ANO8: variants seen among roughly 807,000 people sequenced by gnomAD.
ANO8 encodes anoctamin 8.
A neutral mutation model predicts 120.4 loss-of-function variants in ANO8; 67 were observed. The observed-to-expected ratio is 0.56, with a 90% CI of 0.46 to 0.68. The LOEUF (loss-of-function observed/expected upper bound fraction) is 0.68. Ranked by LOEUF, ANO8 falls within the 30% of genes least tolerant of loss-of-function variation. ANO8 has a pLI of 0.00. For synonymous variants in ANO8, 727 were observed against 759.2 expected (o/e 0.96, Z 0.70); for missense variants, 1,526 against 1,737.6 (o/e 0.88, Z 2.16).
intron 16 of ANO8, among the ~76,000 whole-genome samples, chr19:17,325,801 G>A (rs1599543706): frequency 6.6e-6 from 1 of 152,224 alleles, no homozygotes; most frequent in Non-Finnish European, 1.5e-5. Context: ...GGTGGCACAC[G>A]CCTGTAATTC....
chr19:17,330,835 T>C lies in ANO8; in HGVS notation c.986A>G (p.Gln329Arg), dbSNP rs769509115. 1 of 1,613,746 alleles carries C rather than the reference T, an allele frequency of 6.2e-7. No individual in the cohort carries two copies. Among genetic ancestry groups the C allele is most frequent in the African/African-American group, 1.3e-5 (1 of 74,916 alleles). Reference protein sequence around the residue: ...PGEAVEEPRPQFRGVRRISPI... With the variant: ...PGEAVEEPRPRFRGVRRISPI... ...ACTCAGCCCCCAACTGACCCTGAACTGGGGGCGTGGCTCCTCCACGGCTTC... is the reference window on the plus strand; with the variant it reads ...ACTCAGCCCCCAACTGACCCTGAACCGGGGGCGTGGCTCCTCCACGGCTTC... The change falls in exon 8 of 18, where the codon CAG (glutamine) becomes CGG (arginine). Residue 329 changes from glutamine to arginine, a missense_variant. This residue lies in a region of ANO8 where 322 missense variants were observed against 431.8 expected (regional missense o/e 0.75). Coordinates refer to ENST00000159087, the MANE Select transcript of ANO8 (RefSeq NM_020959.3).
chr19:17,330,516 C>A lies in ANO8; in HGVS notation c.994-12G>T. The A allele has an allele frequency of 6.7e-7, 1 of 1,500,136 alleles. No individual in the cohort carries two copies. The highest frequency in any genetic ancestry group is 8.9e-7 in the Non-Finnish European group (1 of 1,119,714). 92.9% of individuals were successfully genotyped at this position (1,500,136 alleles called of 1,614,324 possible). Reference sequence around the variant, plus strand: ...ATACGTCGCACGCCCTGATGGTGGGCAAAGACCGGGCCCAGCATGAGCTCA... The same window carrying A: ...ATACGTCGCACGCCCTGATGGTGGGAAAAGACCGGGCCCAGCATGAGCTCA... On this transcript the variant is annotated splice_polypyrimidine_tract_variant and intron_variant, in intron 8 of 17. Transcript: ENST00000159087.
At position 17,333,727 on chromosome 19, in the gene ANO8, C is replaced by A; in HGVS notation, c.180G>T (p.Val60=). Reference sequence around the variant, plus strand: ...TCAGCACGTCGCAGTTCTCTGTAGGCACCGTCTTCATCCACGCCTTGTGGG... The same window carrying A: ...TCAGCACGTCGCAGTTCTCTGTAGGAACCGTCTTCATCCACGCCTTGTGGG... The part of the protein sequence containing the change: ...LVSHKAWMKT[V]PTENCDVLMT... The change falls in exon 2 of 18, where the codon GTG becomes GTT. Residue 60 remains valine (V), a synonymous_variant. Transcript: ENST00000159087. The surrounding 1 kb of genome is among the most constrained non-coding windows in gnomAD (Gnocchi z 7.2). The A allele has an allele frequency of 6.2e-7, 1 of 1,608,816 alleles. No homozygotes were observed. Among genetic ancestry groups the A allele is most frequent in the Non-Finnish European group, 8.5e-7 (1 of 1,178,602 alleles).
chr19:17,327,957 G>GATT, intron 13 of ANO8, 77 bp from the exon 14 acceptor site: 1 of 1,553,630 alleles, frequency 6.4e-7, no homozygotes, highest in Non-Finnish European at 8.7e-7. Context: ...GCCTCCCTCA[G>GATT]ATTATCCCAT....
chr19:17,329,742 G>T lies in ANO8; in HGVS notation c.1404+15C>A, dbSNP rs765802013. 11 of 1,607,070 alleles carry T rather than the reference G, an allele frequency of 6.8e-6. No homozygotes were observed. Among genetic ancestry groups the T allele is most frequent in the Non-Finnish European group, 9.3e-6 (11 of 1,177,132 alleles). ...ATGGGGGCAGGGGGGACTGCCGCTG[G>T]GGCGGGGGTCTCACCTCTTTCAAGC... On this transcript the variant is annotated intron_variant, in intron 12 of 17. Coordinates refer to ENST00000159087, the MANE Select transcript of ANO8 (RefSeq NM_020959.3).
Position 17,333,276 on chromosome 19 carries a change from GC to G in ANO8, c.351-38del. ...GCGGAGGAGGTGGGCTCACAGGGAGGCCCCGGCCCACCATCCTGGAGCTGAG... is the reference window on the plus strand; with the variant it reads ...GCGGAGGAGGTGGGCTCACAGGGAGGCCCGGCCCACCATCCTGGAGCTGAG... On this transcript the variant is annotated intron_variant, in intron 3 of 17. Transcript: ENST00000159087. This position sits in a 1 kb window ranked among gnomAD's most constrained non-coding sequence, Gnocchi z 7.2. 6.2e-7 allele frequency: 1 copy of G among 1,602,614 alleles called. No homozygotes were observed.
rs764178395 is a variant in ANO8, at chr19:17,328,157, C to T, written c.2226+5G>A. On this transcript the variant is annotated splice_donor_5th_base_variant and intron_variant, in intron 13 of 17. Transcript: ENST00000159087. ...GCCCCCTGCGAGGCCCCGCCCCCTC[C>T]TCACCTCGTACTTCTTCATACAGCT... 1.1e-5 allele frequency: 17 copies of T among 1,560,960 alleles called. No individual in the cohort carries two copies. The African/African-American group carries it at 2.2e-4, about 20-fold the overall frequency.
chr19:17,333,886 G>T lies in ANO8; in HGVS notation c.107-86C>A. On this transcript the variant is annotated intron_variant, in intron 1 of 17. Transcript: ENST00000159087. The surrounding 1 kb of genome is among the most constrained non-coding windows in gnomAD (Gnocchi z 7.2). ...TCTTGGCTCCTCCTGCCCCCGCCAGGGCTCCTCACCACTCCACCTGGCATT... is the reference window on the plus strand; with the variant it reads ...TCTTGGCTCCTCCTGCCCCCGCCAGTGCTCCTCACCACTCCACCTGGCATT... The T allele has an allele frequency of 8.6e-7, 1 of 1,158,242 alleles. No individual in the cohort carries two copies. Among genetic ancestry groups the T allele is most frequent in the Non-Finnish European group, 1.3e-6 (1 of 795,764 alleles). The allele number at this position is 1,158,242 out of a possible 1,614,324, so 71.7% of individuals were successfully genotyped here.
chr19:17,334,498 C>T (rs2074346649), intron 1 of ANO8, 67 bp downstream of exon 1: 2 of 1,323,852 alleles, frequency 1.5e-6, no homozygotes, highest in Non-Finnish European at 2.1e-6. Context: ...GATCCTCCTC[C>T]CCGTGTAGTT....
Position 17,325,302 on chromosome 19 carries a change from G to C in ANO8, c.2746C>G (p.His916Asp), listed in dbSNP as rs141064694. The C allele has an allele frequency of 6.2e-7, 1 of 1,606,038 alleles. No individual in the cohort carries two copies. Among genetic ancestry groups the C allele is most frequent in the Admixed American group, 1.7e-5 (1 of 60,010 alleles). ...EEEERQRHAE[H>D]HARREHDSGG... ...GAATCATGCTCCCGCCGGGCATGGT[G>C]CTCTGCATGGCGCTGTCGCTCCTCC... Residue 916 changes from histidine (H) to aspartate (D), a missense_variant, in exon 17 of 18, where the codon CAC (histidine) becomes GAC (aspartate). Around this residue, in one of 8 missense-constraint regions of ANO8, gnomAD observed 489 missense variants for 548.6 expected, o/e 0.89. Coordinates refer to ENST00000159087, the MANE Select transcript of ANO8 (RefSeq NM_020959.3).
Position 17,328,485 on chromosome 19 carries a change from C to A in ANO8, c.1903G>T (p.Ala635Ser). ...GTGGGGCTCCCTTCCTCCAGGAGGG[C>A]CTCCGGGCTTGGGCCGGGCCGACGC... is the stretch of plus-strand genomic sequence containing the variant. ...GRRRPGPSPE[A>S]LLEEGSPTMV... is the part of the protein sequence containing the mutation. The change falls in exon 13 of 18, where the codon GCC becomes TCC. Residue 635 changes from alanine to serine, a missense_variant. Physicochemically the swap from Ala to Ser is moderately conservative, Grantham distance 99. This residue lies in a region of ANO8 where 467 missense variants were observed against 425.8 expected (regional missense o/e 1.10). Coordinates refer to ENST00000159087, the MANE Select transcript of ANO8 (RefSeq NM_020959.3). 6.4e-7 allele frequency: 1 copy of A among 1,563,574 alleles called. No individual in the cohort carries two copies. Among genetic ancestry groups the A allele is most frequent in the East Asian group, 2.4e-5 (1 of 42,450 alleles).
Position 17,328,892 on chromosome 19 carries a change from T to C in ANO8, c.1496A>G (p.Glu499Gly). The C allele has an allele frequency of 6.7e-7, 1 of 1,502,700 alleles. No individual in the cohort carries two copies. The highest frequency in any genetic ancestry group is 2.8e-5 in the East Asian group (1 of 35,648). The allele number at this position is 1,502,700 out of a possible 1,614,324, so 93.1% of individuals were successfully genotyped here. ...PHLYRRLGRG[E>G]LGLRAVWELA... is the part of the protein sequence containing the mutation. ...CTCCCAGACGGCCCGCAGGCCCAGC[T>C]CGCCGCGGCCCAGGCGCCGGTACAG... Residue 499 changes from glutamate to glycine, a missense_variant, in exon 13 of 18, where the codon GAG (glutamate) becomes GGG (glycine). By Grantham distance (98) the Glu-to-Gly change is moderately conservative (BLOSUM62 -2). Around this residue, in one of 8 missense-constraint regions of ANO8, gnomAD observed 467 missense variants for 425.8 expected, o/e 1.10. Transcript: ENST00000159087.
At chr19:17,329,931 C>A (rs144687431) in intron 11 of ANO8, 28 bp downstream of exon 11, 7 of 1,613,978 alleles carry the variant, frequency 4.3e-6, no homozygotes, top group Non-Finnish European at 2.5e-6. Context: ...CCCGTTGTCC[C>A]CCTGCCTGTC....
intron 12 of ANO8, chr19:17,329,185 C>T (rs1244597969): frequency 2.0e-6 from 1 of 487,996 alleles, no homozygotes; most frequent in Non-Finnish European, 3.6e-6. Flanking sequence ...GCACGCGCAG[C>T]GCTCCTCGCC....
rs2074284312 is a variant in ANO8 at position 17,327,949 on chromosome 19, C to T, written c.2227-69G>A. The T allele has an allele frequency of 2.6e-6, 4 of 1,563,592 alleles. No homozygotes were observed. The South Asian group carries it at 4.8e-5, about 19-fold the overall frequency. ...ACAATCTTTCTCCCATTGAGCCCGC[C>T]TCCCTCAGATTATCCCATGTGGACC... On this transcript the variant is annotated intron_variant, in intron 13 of 17. Coordinates refer to ENST00000159087, the MANE Select transcript of ANO8 (RefSeq NM_020959.3).
rs2074255475 is a variant in ANO8 at position 17,323,871 on chromosome 19, G to T, written c.3345C>A (p.Ala1115=). The change falls in exon 18 of 18, where the codon GCC becomes GCA. Residue 1115 remains alanine (A), a synonymous_variant. Coordinates refer to ENST00000159087, the MANE Select transcript of ANO8 (RefSeq NM_020959.3). ...PEEEGSGTAL[A]PVGAPALRTR... is the part of the protein sequence containing the mutation. ...TGCGGAGGGCAGGGGCGCCCACGGGGGCCAGCGCTGTCCCTGCGGAGGCGA... is the reference window on the plus strand; with the variant it reads ...TGCGGAGGGCAGGGGCGCCCACGGGTGCCAGCGCTGTCCCTGCGGAGGCGA... 6 of 1,121,540 alleles carry T rather than the reference G, an allele frequency of 5.3e-6. No individual in the cohort carries two copies. Among genetic ancestry groups the T allele is most frequent in the Non-Finnish European group, 6.5e-6 (6 of 917,102 alleles). 69.5% of individuals were successfully genotyped at this position (1,121,540 alleles called of 1,614,324 possible).
At chr19:17,329,474 G>A (rs767511768) in intron 12 of ANO8, 4 of 495,782 alleles carry the variant, frequency 8.1e-6, no homozygotes, top group South Asian at 2.4e-5. Flanking sequence ...CCGCAGGGCC[G>A]CGAGCGGGAC....
Position 17,334,588 on chromosome 19 carries a change from G to C in ANO8, c.83C>G (p.Ala28Gly). The change falls in exon 1 of 18, where the codon GCA (alanine) becomes GGA (glycine). Residue 28 changes from alanine to glycine, a missense_variant. Ala to Gly is a moderately conservative substitution (Grantham distance 60, BLOSUM62 0). This residue lies in a region of ANO8 where 53 missense variants were observed against 45.0 expected (regional missense o/e 1.18). Transcript: ENST00000159087. Reference sequence around the variant, plus strand: ...ACCCAGAACTCCGGACGCCGGGGCTGCAGGCTCGCCCTCCGGCGGGGGCCT... The same window carrying C: ...ACCCAGAACTCCGGACGCCGGGGCTCCAGGCTCGCCCTCCGGCGGGGGCCT... ...GKRPPPEGEPAAPASGVLDKL... is the reference protein window; with the variant it reads ...GKRPPPEGEPGAPASGVLDKL... 1.9e-6 allele frequency: 3 copies of C among 1,551,548 alleles called. No individual in the cohort carries two copies. Among genetic ancestry groups the C allele is most frequent in the Non-Finnish European group, 2.6e-6 (3 of 1,157,132 alleles).
At chr19:17,332,378 A>T (rs2074325752) in intron 5 of ANO8, among the ~76,000 whole-genome samples, 1 of 152,110 alleles carries the variant, frequency 6.6e-6, no homozygotes, top group Non-Finnish European at 1.5e-5. Flanking sequence ...GACCTCCCAA[A>T]GTACTGGGAG....
Sources: allele counts gnomAD v4.1 joint callset (sites outside exome capture counted in the v4.1 genomes callset), GRCh38; gene constraint gnomAD v4.1.1; regional missense constraint gnomAD v4.1.1; non-coding constraint Gnocchi (gnomAD v3.1); transcripts MANE v1.5; gene names NCBI Gene and HGNC (gene_info 2026-07-23, HGNC 2026-07-21).